The following CENPP variants were observed in gnomAD, a reference collection of about 807,000 sequenced individuals.
CENPP encodes the protein centromere protein P.
Under a neutral mutation model 35.6 loss-of-function variants are expected in CENPP, and 24 were observed. The ratio of observed to expected loss-of-function variants is 0.67; its 90% confidence interval spans 0.49 to 0.95. The LOEUF (loss-of-function observed/expected upper bound fraction) is 0.95. Among genes scored for constraint, CENPP ranks in the 40% least tolerant of loss-of-function variants. The pLI is 0.00. For synonymous variants in CENPP, 120 were observed against 125.5 expected (o/e 0.96, Z 0.29); for missense variants, 332 against 345.3 (o/e 0.96, Z 0.31).
chr9:92,353,479 A>C (rs879228975), intron 4 of CENPP, among the ~76,000 whole-genome samples: 1 of 152,226 alleles, frequency 6.6e-6, no homozygotes, highest in Non-Finnish European at 1.5e-5. Flanking sequence ...TACTAAGAGA[A>C]GCCGTAATGA....
At chr9:92,608,115 C>A (rs1038152899) in intron 5 of CENPP, among the ~76,000 whole-genome samples, 1 of 152,216 alleles carries the variant, frequency 6.6e-6, no homozygotes, top group East Asian at 1.9e-4. Context: ...TATATCACCA[C>A]CTTCCTGACA....
chr9:92,491,394 A>T (rs1846168881), intron 5 of CENPP, among the ~76,000 whole-genome samples: 1 of 152,144 alleles, frequency 6.6e-6, no homozygotes, highest in Non-Finnish European at 1.5e-5. Context: ...GTAAGGTGAA[A>T]GGCTCAAGTC....
chr9:92,441,269 C>T (rs572461481), intron 5 of CENPP, among the ~76,000 whole-genome samples: 12 of 152,130 alleles, frequency 7.9e-5, no homozygotes, highest in South Asian at 6.2e-4. Flanking sequence ...TATAAGAAGT[C>T]GACAGTATGG....
chr9:92,499,254 G>A (rs535263632), intron 5 of CENPP, among the ~76,000 whole-genome samples: 11 of 152,076 alleles, frequency 7.2e-5, no homozygotes, highest in South Asian at 2.1e-4. Flanking sequence ...ACAAAATAAA[G>A]CAAAAACATT....
intron 5 of CENPP, among the ~76,000 whole-genome samples, chr9:92,574,095 G>A (rs1229927370): frequency 4.6e-5 from 7 of 152,092 alleles, no homozygotes; most frequent in Non-Finnish European, 1.0e-4. Flanking sequence ...CCCACTGTCC[G>A]ACAAGCCCTA....
At chr9:92,489,369 G>C (rs182308173) in intron 5 of CENPP, among the ~76,000 whole-genome samples, 1 of 152,312 alleles carries the variant, frequency 6.6e-6, no homozygotes, top group East Asian at 1.9e-4. Context: ...CCCAAAGTTT[G>C]CTATGTGGGC....
upstream of CENPP, chr9:92,325,766 T>A: frequency 3.9e-6 from 2 of 519,316 alleles, no homozygotes; most frequent in South Asian, 4.7e-5. Flanking sequence ...GTATAGCCAC[T>A]GCTTAGACAG....
chr9:92,534,911 C>G (rs911091859), intron 5 of CENPP, among the ~76,000 whole-genome samples: 2 of 152,110 alleles, frequency 1.3e-5, no homozygotes, highest in Non-Finnish European at 2.9e-5. Context: ...GCCTAGACCT[C>G]GAGGCTCTAG....
intron 5 of CENPP, chr9:92,464,986 C>T (rs537601237): frequency 5.0e-6 from 8 of 1,613,864 alleles, no homozygotes; most frequent in Non-Finnish European, 2.5e-6. Flanking sequence ...CTTCAAATGC[C>T]CCTGGCTCTA....
At chr9:92,387,140 A>C (rs989101320) in intron 5 of CENPP, among the ~76,000 whole-genome samples, 2 of 151,724 alleles carry the variant, frequency 1.3e-5, no homozygotes, top group African/African-American at 4.8e-5. Flanking sequence ...TGAGAGGTCA[A>C]TGTGGGTGGA....
intron 5 of CENPP, among the ~76,000 whole-genome samples, chr9:92,484,674 G>C (rs1038144005): frequency 6.6e-6 from 1 of 152,074 alleles, no homozygotes; most frequent in African/African-American, 2.4e-5. Flanking sequence ...GTTTTGCATG[G>C]CAACTGTTGT....
intron 5 of CENPP, among the ~76,000 whole-genome samples, chr9:92,554,811 G>T (rs543471525): frequency 2.5e-4 from 38 of 151,048 alleles, no homozygotes; most frequent in African/African-American, 9.0e-4. Context: ...CTTATTTTTG[G>T]TTTTTTAGTA....
chr9:92,501,203 T>C (rs1846651645), intron 5 of CENPP: 6 of 759,434 alleles, frequency 7.9e-6, no homozygotes, highest in Non-Finnish European at 1.2e-5. Flanking sequence ...TTTCCAGGTA[T>C]AGCCAGCCCT....
intron 2 of CENPP, 138 bp from the exon 3 acceptor site, chr9:92,337,403 A>C (rs1322177749): frequency 1.8e-6 from 1 of 549,584 alleles, no homozygotes; most frequent in Admixed American, 3.3e-5. Context: ...GTTCTTCCAG[A>C]GTTTTTCAAT....
chr9:92,395,136 A>G, intron 5 of CENPP, among the ~76,000 whole-genome samples: 1 of 152,260 alleles, frequency 6.6e-6, no homozygotes, highest in East Asian at 1.9e-4. Flanking sequence ...GTTCACTACA[A>G]GTGAGTTAAT....
intron 5 of CENPP, chr9:92,536,108 T>C: frequency 2.3e-6 from 1 of 438,888 alleles, no homozygotes; most frequent in South Asian, 1.8e-5. Context: ...GATAAATGCC[T>C]TTCAGTTCTT....
chr9:92,451,719 C>T (rs1450596672), intron 5 of CENPP, among the ~76,000 whole-genome samples: 1 of 149,554 alleles, frequency 6.7e-6, no homozygotes, highest in East Asian at 2.0e-4. Context: ...ATTGATTCTT[C>T]CTACCCATGA....
intron 5 of CENPP, among the ~76,000 whole-genome samples, chr9:92,528,983 GAGA>G (rs1377016859): frequency 3.3e-5 from 5 of 152,172 alleles, no homozygotes; most frequent in East Asian, 1.9e-4. Flanking sequence ...TTCAAGAAGT[GAGA>G]AGAAGGATTA....
chr9:92,462,634 A>G (rs571294138), intron 5 of CENPP, among the ~76,000 whole-genome samples: 2 of 152,360 alleles, frequency 1.3e-5, no homozygotes, highest in African/African-American at 4.8e-5. Flanking sequence ...AATAGTTTCC[A>G]TGACTGAATT....
Sources: gnomAD v4.1 joint callset for allele counts (sites outside exome capture counted in the v4.1 genomes callset) on GRCh38, gnomAD v4.1.1 for gene constraint, MANE v1.5 for transcripts, NCBI Gene and HGNC (gene_info 2026-07-23, HGNC 2026-07-21) for gene names.